The following NBAS variants were observed in gnomAD, a reference collection of about 807,000 sequenced individuals.
NBAS encodes NBAS subunit of NRZ tethering complex, also known as NAG/BC035112 fusion.
NBAS carries 219 observed loss-of-function variants against 302.5 expected under a neutral mutation model. That is an observed-to-expected ratio of 0.72 (90% CI 0.65 to 0.81). NBAS has a LOEUF of 0.81. NBAS is among the 30% of genes least tolerant of loss of function. The pLI, the probability that NBAS is intolerant of heterozygous loss-of-function variation, is 0.00. For missense variants in NBAS, 2,932 were observed against 2,841.6 expected (o/e 1.03, Z -0.72); for synonymous variants, 1,118 against 1,021.6 (o/e 1.09, Z -1.80).
intron 44 of NBAS, among the ~76,000 whole-genome samples, chr2:15,268,781 A>G (rs529888784): frequency 3.0e-4 from 46 of 152,268 alleles, no homozygotes; most frequent in Non-Finnish European, 5.9e-4. Context: ...TTCTACCAAC[A>G]ATAAAGCTGG....
intron 11 of NBAS, among the ~76,000 whole-genome samples, chr2:15,490,083 T>C (rs1319247445): frequency 8.1e-6 from 1 of 123,974 alleles, no homozygotes; most frequent in African/African-American, 2.9e-5. Flanking sequence ...CTTTCTCTAT[T>C]ATTGCTCCAG....
intron 51 of NBAS, 117 bp from the exon 52 acceptor site, chr2:15,167,440 T>A: frequency 7.5e-7 from 1 of 1,326,888 alleles, no homozygotes; most frequent in Non-Finnish European, 1.1e-6. Flanking sequence ...GGCCTGGGTT[T>A]AAAAGCGTGT....
At chr2:15,143,300 G>A in the NBAS span, among the ~76,000 whole-genome samples, 15 of 152,248 alleles carry the variant, frequency 9.9e-5, no homozygotes, top group Admixed American at 3.3e-4. Flanking sequence ...CAGCAAGTCC[G>A]CGTCTGCAGA....
the NBAS span, among the ~76,000 whole-genome samples, chr2:14,940,013 GC>G: frequency 3.3e-5 from 5 of 152,044 alleles, no homozygotes; most frequent in African/African-American, 1.2e-4. Context: ...AAACTCTTTG[GC>G]CCAGATGAAA....
Position 15,241,918 on chromosome 2 carries a change from A to G in NBAS, c.5725-3232T>C, listed in dbSNP as rs558164548. Among the ~76,000 whole-genome samples, 110 of 152,284 alleles carry G rather than the reference A, an allele frequency of 7.2e-4. 1 individual carries two copies. The highest frequency in any genetic ancestry group is 5.4e-3 in the South Asian group (26 of 4,820). ...AACTCGAACCCTAAGCTACAGCCAC[A>G]CTGACTCTTTGTCATTACCTGGTGC... On this transcript the variant is annotated intron_variant, in intron 44 of 51. Transcript: ENST00000281513.
At chr2:15,220,155 C>T (rs74173243) in intron 47 of NBAS, among the ~76,000 whole-genome samples, 10,832 of 126,190 alleles carry the variant, frequency 0.086, 238 homozygotes, top group African/African-American at 0.15. Flanking sequence ...CCCTCCCGGA[C>T]GGGGCGGCTG....
chr2:15,165,942 A>G (rs1664008937), downstream of NBAS, among the ~76,000 whole-genome samples: 1 of 152,196 alleles, frequency 6.6e-6, no homozygotes, highest in African/African-American at 2.4e-5. Flanking sequence ...AAAGACCAGC[A>G]CGCCTTAGTG....
At chr2:14,920,373 T>TTAGCATAA in the NBAS span, among the ~76,000 whole-genome samples, 2 of 152,168 alleles carry the variant, frequency 1.3e-5, no homozygotes, top group Non-Finnish European at 2.9e-5. Flanking sequence ...CAGAGTAGAT[T>TTAGCATAA]TAGCATAATT....
the NBAS span, among the ~76,000 whole-genome samples, chr2:14,914,219 A>G: frequency 2.6e-5 from 4 of 152,156 alleles, no homozygotes; most frequent in Admixed American, 6.5e-5. Context: ...GGGAGCTACA[A>G]TTCAAGATGA....
the NBAS span, among the ~76,000 whole-genome samples, chr2:14,789,703 G>A: frequency 6.6e-6 from 1 of 152,148 alleles, no homozygotes; most frequent in African/African-American, 2.4e-5. Flanking sequence ...AGATTGGAGG[G>A]ATACCACCTC....
At chr2:15,039,283 G>A in the NBAS span, among the ~76,000 whole-genome samples, 1 of 152,218 alleles carries the variant, frequency 6.6e-6, no homozygotes, top group Non-Finnish European at 1.5e-5. Flanking sequence ...GAATGAATGA[G>A]TGGAAAATGG....
chr2:14,844,068 C>T, the NBAS span, among the ~76,000 whole-genome samples: 1 of 152,120 alleles, frequency 6.6e-6, no homozygotes, highest in East Asian at 1.9e-4. Context: ...CCAGTTAGGG[C>T]AACTAAGGGA....
At chr2:15,085,066 G>T in the NBAS span, among the ~76,000 whole-genome samples, 5 of 152,280 alleles carry the variant, frequency 3.3e-5, no homozygotes, top group African/African-American at 4.8e-5. Flanking sequence ...CTGCTGTGAC[G>T]GGCCGGGCCA....
the NBAS span, among the ~76,000 whole-genome samples, chr2:15,010,993 T>A: frequency 1.7e-4 from 26 of 152,310 alleles, no homozygotes; most frequent in African/African-American, 6.0e-4. Flanking sequence ...ATAACAAGTA[T>A]GATAATTTTC....
chr2:15,270,009 A>G (rs1669244022), intron 44 of NBAS, among the ~76,000 whole-genome samples: 1 of 152,228 alleles, frequency 6.6e-6, no homozygotes, highest in Non-Finnish European at 1.5e-5. Flanking sequence ...AGAAACTAAC[A>G]TGAGAATCCA....
chr2:14,927,378 A>G, the NBAS span, among the ~76,000 whole-genome samples: 4 of 152,218 alleles, frequency 2.6e-5, no homozygotes, highest in Non-Finnish European at 5.9e-5. Context: ...AGGTTCATCT[A>G]TGCTAAGCAT....
the NBAS span, among the ~76,000 whole-genome samples, chr2:14,937,999 G>A: frequency 0.03 from 4,617 of 152,132 alleles, 104 homozygotes; most frequent in Middle Eastern, 0.061. Flanking sequence ...ATGGTGGTAC[G>A]CACATGTAAT....
At position 15,315,090 on chromosome 2, in the gene NBAS, C is replaced by G. The variant is rs555751835; in HGVS notation, c.4583-5843G>C. On this transcript the variant is annotated intron_variant, in intron 38 of 51. Coordinates refer to ENST00000281513, the MANE Select transcript of NBAS (RefSeq NM_015909.4). ...CATCTTGACAGGAGTGAGGGTTACA[C>G]AGGTGCTGCACTTGTCACAATCTGT... Among the ~76,000 whole-genome samples the G allele has an allele frequency of 3.9e-5, 6 of 152,250 alleles. No homozygotes were observed. In the East Asian group the frequency reaches 1.2e-3, roughly 29 times the overall value.
intron 38 of NBAS, among the ~76,000 whole-genome samples, chr2:15,316,328 G>A (rs557044123): frequency 1.2e-4 from 18 of 152,302 alleles, no homozygotes; most frequent in African/African-American, 4.3e-4. Context: ...GGTGATTTCT[G>A]CATTTCCAAC....
Sources: allele counts gnomAD v4.1 joint callset (sites outside exome capture counted in the v4.1 genomes callset), GRCh38; gene constraint gnomAD v4.1.1; transcripts MANE v1.5; gene names NCBI Gene and HGNC (gene_info 2026-07-23, HGNC 2026-07-21).